Variants in NXN observed in about 807,000 individuals in gnomAD.
NXN encodes nucleoredoxin, also known as nucleoredoxin 1.
Under a neutral mutation model 48.6 loss-of-function variants are expected in NXN, and 16 were observed. That is an observed-to-expected ratio of 0.33 (90% CI 0.22 to 0.50). NXN has a LOEUF of 0.50. Ranked by LOEUF, NXN falls within the 20% of genes least tolerant of loss-of-function variation. NXN has a pLI of 0.98. For synonymous variants in NXN, 281 were observed against 269.6 expected, an observed-to-expected ratio of 1.04 and a Z score of -0.41; for missense variants, 492 against 605.5, an observed-to-expected ratio of 0.81 and a Z score of 1.97.
intron 1 of NXN, among the ~76,000 whole-genome samples, chr17:852,314 G>A (rs562342570): frequency 6.0e-4 from 92 of 152,226 alleles, no homozygotes; most frequent in African/African-American, 2.1e-3. Flanking sequence ...CAGTCGGGGC[G>A]TCTCCAGCAG....
intron 1 of NXN, among the ~76,000 whole-genome samples, chr17:945,522 T>C (rs1395880913): frequency 1.3e-5 from 2 of 150,910 alleles, no homozygotes; most frequent in African/African-American, 2.4e-5. Flanking sequence ...TCCCACCTAC[T>C]TGGGAGGCTG....
At chr17:868,484 T>TTTTG (rs764002417) in intron 1 of NXN, among the ~76,000 whole-genome samples, 129 of 152,116 alleles carry the variant, frequency 8.5e-4, no homozygotes, top group African/African-American at 2.4e-3. Context: ...TTTTTTGGTT[T>TTTTG]TTTGTTTGTT....
intron 1 of NXN, among the ~76,000 whole-genome samples, chr17:868,945 A>G (rs906928452): frequency 6.6e-6 from 1 of 152,228 alleles, no homozygotes; most frequent in Admixed American, 6.5e-5. Context: ...CCCTGCAGCC[A>G]GAGAAAGACA....
At position 932,037 on chromosome 17, in the gene NXN, G is replaced by C. The variant is rs2068860433; in HGVS notation, c.360+47282C>G. On this transcript the variant is annotated intron_variant, in intron 1 of 7. Transcript: ENST00000336868. The surrounding 1 kb of genome is among the most constrained non-coding windows in gnomAD (Gnocchi z 4.1). ...TGGGTGCCTATAATCCCAGCTAATGGGGAGGCTGAGGCAGGAGAATCGCTT... is the reference window on the plus strand; with the variant it reads ...TGGGTGCCTATAATCCCAGCTAATGCGGAGGCTGAGGCAGGAGAATCGCTT... Among the ~76,000 whole-genome samples the C allele has an allele frequency of 6.6e-6, 1 of 151,196 alleles. No individual in the cohort carries two copies. The highest frequency in any genetic ancestry group is 2.1e-4 in the South Asian group (1 of 4,804).
At chr17:967,796 C>G (rs1233821124) in intron 1 of NXN, among the ~76,000 whole-genome samples, 1 of 152,000 alleles carries the variant, frequency 6.6e-6, no homozygotes, top group African/African-American at 2.4e-5. Flanking sequence ...ATGGTGAAAC[C>G]CCATCTCTAC....
intron 1 of NXN, among the ~76,000 whole-genome samples, chr17:856,744 T>G (rs1021559892): frequency 1.3e-5 from 2 of 152,026 alleles, no homozygotes; most frequent in Admixed American, 1.3e-4. Flanking sequence ...CCTCCCAAAG[T>G]GCCGGGATTA....
intron 5 of NXN, among the ~76,000 whole-genome samples, chr17:809,803 T>C (rs72477051): frequency 0.26 from 36,635 of 142,478 alleles, 5,290 homozygotes; most frequent in East Asian, 0.35. Context: ...GCCGTGTGCA[T>C]GTGACGAGTC....
At chr17:853,791 C>T (rs890795882) in intron 1 of NXN, among the ~76,000 whole-genome samples, 23 of 148,010 alleles carry the variant, frequency 1.6e-4, no homozygotes, top group Non-Finnish European at 3.1e-4. Context: ...GGTGCGATCT[C>T]GGCTCACTGC....
rs777430376 is a variant in NXN, at chr17:979,597, C to T, written c.82G>A (p.Ala28Thr). The T allele has an allele frequency of 2.8e-6, 4 of 1,448,980 alleles. No homozygotes were observed. Among genetic ancestry groups the T allele is most frequent in the African/African-American group, 1.5e-5 (1 of 68,084 alleles). 89.8% of individuals were successfully genotyped at this position (1,448,980 alleles called of 1,614,324 possible). ...AGACCCAGCAGCGAGATGCCGCGGG[C>T]GCCCAGCGAGTGCACGTCCACCTCC... The part of the protein sequence containing the change: ...GEEVDVHSLG[A>T]RGISLLGLYF... The change falls in exon 1 of 8, where the codon GCC (alanine) becomes ACC (threonine). Residue 28 changes from alanine (A) to threonine (T), a missense_variant. Around this residue, in one of 3 missense-constraint regions of NXN, gnomAD observed 186 missense variants for 199.1 expected, o/e 0.93. Coordinates refer to ENST00000336868, the MANE Select transcript of NXN (RefSeq NM_022463.5).
intron 1 of NXN, among the ~76,000 whole-genome samples, chr17:876,252 GAA>G (rs2068214373): frequency 6.8e-6 from 1 of 147,700 alleles, no homozygotes; most frequent in East Asian, 1.9e-4. Context: ...GAGAAGAGAA[GAA>G]AAGAAAAGAA....
chr17:858,498 C>T (rs1444147032), intron 1 of NXN, among the ~76,000 whole-genome samples: 1 of 151,784 alleles, frequency 6.6e-6, no homozygotes, highest in Non-Finnish European at 1.5e-5. Flanking sequence ...GAGGCTGAGG[C>T]TGGTAGATCA....
Position 849,106 on chromosome 17 carries a change from C to T in NXN, c.361-23028G>A, listed in dbSNP as rs1038247782. Among the ~76,000 whole-genome samples, 1 of 152,208 alleles carries T rather than the reference C, an allele frequency of 6.6e-6. No individual in the cohort carries two copies. The highest frequency in any genetic ancestry group is 1.5e-5 in the Non-Finnish European group (1 of 68,032). ...TTCCTCTCTAGACCCTCCCCTGGGA[C>T]GGCAGTCCCCACCCCACCCACACCC... is the stretch of plus-strand genomic sequence containing the variant. On this transcript the variant is annotated intron_variant, in intron 1 of 7. Coordinates refer to ENST00000336868, the MANE Select transcript of NXN (RefSeq NM_022463.5). This position sits in a 1 kb window ranked among gnomAD's most constrained non-coding sequence, Gnocchi z 4.2.
Position 958,588 on chromosome 17 carries a change from T to C in NXN, c.360+20731A>G, listed in dbSNP as rs999121677. Among the ~76,000 whole-genome samples the C allele has an allele frequency of 3.9e-5, 6 of 152,184 alleles. No homozygotes were observed. The South Asian group carries it at 1.0e-3, about 26-fold the overall frequency. On this transcript the variant is annotated intron_variant, in intron 1 of 7. Transcript: ENST00000336868. This position sits in a 1 kb window ranked among gnomAD's most constrained non-coding sequence, Gnocchi z 6.9. ...GAGTTCGAGACCAGCCTGGCCAACA[T>C]GGTGAAACCCCATCTGTACTAAAAA...
intron 1 of NXN, among the ~76,000 whole-genome samples, chr17:894,169 C>T (rs1173782900): frequency 3.7e-5 from 3 of 80,028 alleles, no homozygotes; most frequent in Admixed American, 1.3e-4. Flanking sequence ...GCATCTCAAA[C>T]GCCCTGGAAG....
chr17:979,046 G>A (rs62068281), intron 1 of NXN, among the ~76,000 whole-genome samples: 17,110 of 141,278 alleles, frequency 0.12, 1,466 homozygotes, highest in African/African-American at 0.23. Context: ...TTCCAGGGCG[G>A]GCGCAGCGCA....
At chr17:954,119 T>C (rs1227248595) in intron 1 of NXN, among the ~76,000 whole-genome samples, 1 of 152,036 alleles carries the variant, frequency 6.6e-6, no homozygotes, top group Non-Finnish European at 1.5e-5. Flanking sequence ...GGCTCATGCC[T>C]GTCATCCAAG....
At chr17:848,548 A>T (rs1428956040) in intron 1 of NXN, among the ~76,000 whole-genome samples, 1 of 152,236 alleles carries the variant, frequency 6.6e-6, no homozygotes, top group Non-Finnish European at 1.5e-5. Context: ...ATAAAGCAGG[A>T]AATTTAGATG....
intron 1 of NXN, among the ~76,000 whole-genome samples, chr17:841,285 G>T (rs199968786): frequency 6.6e-6 from 1 of 152,218 alleles, no homozygotes; most frequent in African/African-American, 2.4e-5. Flanking sequence ...CACGCTGCAG[G>T]GGCGTCAAAG....
rs2069491886 is a variant in NXN, at chr17:978,712, C to T, written c.360+607G>A. On this transcript the variant is annotated intron_variant, in intron 1 of 7. Transcript: ENST00000336868. The surrounding 1 kb of genome is among the most constrained non-coding windows in gnomAD (Gnocchi z 4.1). ...AGCCACGGCCACGGTCACCGGCCGC[C>T]TCTCCTGACCTCGGCCTCGGCCCCC... 1 of 152,272 alleles carries T rather than the reference C, an allele frequency of 6.6e-6. No individual in the cohort carries two copies. 9.4% of individuals were successfully genotyped at this position (152,272 alleles called of 1,614,324 possible).
Sources: allele counts gnomAD v4.1 joint callset (sites outside exome capture counted in the v4.1 genomes callset), GRCh38; gene constraint gnomAD v4.1.1; regional missense constraint gnomAD v4.1.1; non-coding constraint Gnocchi (gnomAD v3.1); transcripts MANE v1.5; gene names NCBI Gene and HGNC (gene_info 2026-07-23, HGNC 2026-07-21).